SEC24D: variants seen among roughly 807,000 people sequenced by gnomAD.
SEC24D encodes SEC24 homolog D, COPII component.
Under a neutral mutation model 116.9 loss-of-function variants are expected in SEC24D, and 69 were observed. The observed-to-expected ratio is 0.59, with a 90% CI of 0.49 to 0.72. The LOEUF is 0.72. Among genes scored for constraint, SEC24D ranks in the 30% least tolerant of loss-of-function variants. SEC24D has a pLI of 0.00. For missense variants in SEC24D, 1,131 were observed against 1,264.1 expected (o/e 0.89, Z 1.60); for synonymous variants, 405 against 442.8 (o/e 0.91, Z 1.07).
intron 1 of SEC24D, 84 bp downstream of exon 1, chr4:118,835,857 C>T (rs1731074240): frequency 6.5e-6 from 1 of 153,234 alleles, no homozygotes; most frequent in Non-Finnish European, 1.5e-5. Context: ...CCCGCCGCGT[C>T]CCCGGGCCGG....
At chr4:118,753,736 T>G (rs1726948206) in intron 11 of SEC24D, among the ~76,000 whole-genome samples, 1 of 152,068 alleles carries the variant, frequency 6.6e-6, no homozygotes, top group Admixed American at 6.6e-5. Flanking sequence ...TTGTCTCCCC[T>G]AAAAGAAAAC....
intron 15 of SEC24D, among the ~76,000 whole-genome samples, chr4:118,743,610 C>T (rs1726346307): frequency 2.0e-5 from 3 of 152,134 alleles, no homozygotes; most frequent in Non-Finnish European, 1.5e-5. Context: ...GTGATCTTCC[C>T]ACCTCAACCT....
chr4:118,829,648 A>G lies in SEC24D; in HGVS notation c.118+3931T>C, dbSNP rs141798797. On this transcript the variant is annotated intron_variant, in intron 2 of 22. Transcript: ENST00000280551. ...ACCAACACAGAGAAACCCCGTCTCT[A>G]CTAAAAATACAAAATTAGCCGGGTG... Among the ~76,000 whole-genome samples the G allele has an allele frequency of 1.5e-3, 228 of 152,278 alleles. 4 individuals carry two copies. The East Asian group carries it at 0.032, about 22-fold the overall frequency.
rs146677844 is a variant in SEC24D, at chr4:118,775,666, C to T, written c.1042-7355G>A. Among the ~76,000 whole-genome samples, 377 of 152,210 alleles carry T rather than the reference C, an allele frequency of 2.5e-3. 1 individual carries two copies. The highest frequency in any genetic ancestry group is 8.7e-3 in the African/African-American group (360 of 41,546). ...CAGACAGACGCATACACACCCCTAC[C>T]TAAAATCTGTTGTTACTACATGGTA... On this transcript the variant is annotated intron_variant, in intron 8 of 22. Transcript: ENST00000280551.
chr4:118,777,753 C>T (rs924552692), intron 8 of SEC24D, among the ~76,000 whole-genome samples: 2 of 152,194 alleles, frequency 1.3e-5, no homozygotes, highest in Non-Finnish European at 2.9e-5. Flanking sequence ...CCTATTTCCC[C>T]ACAACCTCTC....
At chr4:118,804,923 CAT>C (rs1553929447) in intron 7 of SEC24D, among the ~76,000 whole-genome samples, 18 of 140,670 alleles carry the variant, frequency 1.3e-4, no homozygotes, top group Non-Finnish European at 2.5e-4. Context: ...CACACACACA[CAT>C]ATACAAAGAC....
intron 2 of SEC24D, among the ~76,000 whole-genome samples, chr4:118,830,722 A>G (rs777749258): frequency 3.9e-5 from 6 of 152,128 alleles, no homozygotes; most frequent in Non-Finnish European, 8.8e-5. Flanking sequence ...ATTATAACAC[A>G]GTATGGCAAA....
At chr4:118,762,155 C>T (rs1727414440) in intron 10 of SEC24D, among the ~76,000 whole-genome samples, 1 of 150,622 alleles carries the variant, frequency 6.6e-6, no homozygotes, top group South Asian at 2.1e-4. Flanking sequence ...GTACACTTTA[C>T]ATGCAGATAT....
At chr4:118,784,901 GA>G (rs1728602233) in intron 8 of SEC24D, among the ~76,000 whole-genome samples, 1 of 152,182 alleles carries the variant, frequency 6.6e-6, no homozygotes, top group South Asian at 2.1e-4. Flanking sequence ...AATTCCTTAT[GA>G]AATTGTTATT....
intron 8 of SEC24D, among the ~76,000 whole-genome samples, chr4:118,780,906 G>GATTTTTTTTTT (rs1728368824): frequency 1.6e-4 from 17 of 106,074 alleles, no homozygotes; most frequent in Non-Finnish European, 1.9e-4. Flanking sequence ...TGCAACCCCT[G>GATTTTTTTTTT]CTTTTTTTTT....
At chr4:118,825,466 T>C in intron 2 of SEC24D, 1 of 439,680 alleles carries the variant, frequency 2.3e-6, no homozygotes, top group South Asian at 1.6e-5. Context: ...TTTGGAACTG[T>C]CTTCAGACAT....
chr4:118,730,719 T>C (rs557858551), intron 21 of SEC24D: 1 of 152,540 alleles, frequency 6.6e-6, no homozygotes, highest in South Asian at 2.1e-4. Flanking sequence ...TTGTATTAAT[T>C]TAACATCAAA....
rs193060376 is a variant in SEC24D, at chr4:118,825,650, T to C, written c.119-901A>G. On this transcript the variant is annotated intron_variant, in intron 2 of 22. Transcript: ENST00000280551. ...AATGAAAGGCTTAGACTAGATTACC[T>C]GAGACCTCTTCTAGCTTCTAGAAAG... The C allele has an allele frequency of 1.2e-3, 542 of 442,708 alleles. 2 individuals are homozygous for C. Among genetic ancestry groups the C allele is most frequent in the Middle Eastern group, 2.7e-3 (8 of 3,002 alleles). The allele number at this position is 442,708 out of a possible 1,614,324, so 27.4% of individuals were successfully genotyped here. A position where few individuals can be genotyped will look rare whatever the true frequency, so the allele number is the denominator to read the frequency against.
chr4:118,812,702 A>G (rs1416489200), intron 6 of SEC24D, among the ~76,000 whole-genome samples: 1 of 151,958 alleles, frequency 6.6e-6, no homozygotes, highest in African/African-American at 2.4e-5. Context: ...ACTCAATAAA[A>G]CCTTGCACTC....
At chr4:118,737,023 C>CT (rs1167850669) in intron 19 of SEC24D, among the ~76,000 whole-genome samples, 1 of 152,208 alleles carries the variant, frequency 6.6e-6, no homozygotes, top group Non-Finnish European at 1.5e-5. Context: ...AGAGAGGACA[C>CT]TAACTGTATC....
At chr4:118,759,553 A>C (rs1727266972) in intron 10 of SEC24D, among the ~76,000 whole-genome samples, 2 of 152,206 alleles carry the variant, frequency 1.3e-5, no homozygotes, top group African/African-American at 4.8e-5. Context: ...AGGTCACTGA[A>C]CCATCCAGAT....
intron 11 of SEC24D, among the ~76,000 whole-genome samples, chr4:118,753,558 A>G (rs1455193420): frequency 6.6e-6 from 1 of 152,138 alleles, no homozygotes; most frequent in African/African-American, 2.4e-5. Flanking sequence ...AACTGTAACA[A>G]AAAGTAGATT....
intron 3 of SEC24D, among the ~76,000 whole-genome samples, chr4:118,819,516 G>A (rs1228821504): frequency 7.0e-6 from 1 of 143,694 alleles, no homozygotes; most frequent in Non-Finnish European, 1.5e-5. Flanking sequence ...GGGCAACACA[G>A]GGAGACCCCG....
intron 6 of SEC24D, among the ~76,000 whole-genome samples, chr4:118,813,340 T>C (rs1729999226): frequency 6.6e-6 from 1 of 152,194 alleles, no homozygotes; most frequent in East Asian, 1.9e-4. Flanking sequence ...TAGTCCGTTT[T>C]TCATTGCTTA....
Sources: gnomAD v4.1 joint callset for allele counts (sites outside exome capture counted in the v4.1 genomes callset) on GRCh38, gnomAD v4.1.1 for gene constraint, MANE v1.5 for transcripts, NCBI Gene and HGNC (gene_info 2026-07-23, HGNC 2026-07-21) for gene names.